UBE2W: variants seen among roughly 807,000 people sequenced by gnomAD.
UBE2W encodes ubiquitin-conjugating enzyme E2 W.
UBE2W carries 18 observed loss-of-function variants against 27.2 expected under a neutral mutation model. The ratio of observed to expected loss-of-function variants is 0.66; its 90% CI spans 0.46 to 0.98. The LOEUF (loss-of-function observed/expected upper bound fraction) is 0.98. Among genes scored for constraint, UBE2W ranks in the 50% least tolerant of loss-of-function variants. UBE2W has a pLI of 0.00. For synonymous variants in UBE2W, 53 were observed against 57.2 expected (o/e 0.93, Z 0.33); for missense variants, 90 against 180.2 (o/e 0.50, Z 2.87).
intron 1 of UBE2W, among the ~76,000 whole-genome samples, chr8:73,848,511 A>AAATT (rs1810913765): frequency 1.3e-5 from 2 of 152,078 alleles, no homozygotes; most frequent in South Asian, 4.1e-4. Context: ...CAGGGAGACC[A>AAATT]TGTTTCTACA....
chr8:73,839,106 C>T (rs1169425879), intron 1 of UBE2W, among the ~76,000 whole-genome samples: 3 of 152,094 alleles, frequency 2.0e-5, no homozygotes, highest in Non-Finnish European at 4.4e-5. Context: ...TTGTCCAATT[C>T]TTTCTTCAAA....
intron 3 of UBE2W, among the ~76,000 whole-genome samples, chr8:73,823,665 T>C (rs981931922): frequency 6.6e-6 from 1 of 152,232 alleles, no homozygotes; most frequent in African/African-American, 2.4e-5. Context: ...CAAATGCTTA[T>C]TGTAGACATC....
intron 1 of UBE2W, among the ~76,000 whole-genome samples, chr8:73,850,554 TAA>T (rs1811028295): frequency 1.3e-5 from 2 of 152,096 alleles, no homozygotes; most frequent in South Asian, 4.1e-4. Context: ...CTTGAAATGA[TAA>T]AAGTCAGAAA....
In UBE2W at chr8:73,792,097, A is replaced by G; in HGVS notation, c.*2005T>C. On this transcript the variant is annotated 3_prime_UTR_variant, in exon 6 of 6. Coordinates refer to ENST00000602593, the MANE Select transcript of UBE2W (RefSeq NM_018299.6). ...AAGATCAAGTCAAACAGTAGTGTAGAGCAGTTACGCAAAATATGAAAATAC... is the reference window on the plus strand; with the variant it reads ...AAGATCAAGTCAAACAGTAGTGTAGGGCAGTTACGCAAAATATGAAAATAC... 1 of 985,316 alleles carries G rather than the reference A, an allele frequency of 1.0e-6. No homozygotes were observed. The highest frequency in any genetic ancestry group is 1.2e-6 in the Non-Finnish European group (1 of 829,808). The allele number at this position is 985,316 out of a possible 1,614,324, so 61.0% of individuals were successfully genotyped here. A position where few individuals can be genotyped will look rare whatever the true frequency, so the allele number is the denominator to read the frequency against.
Position 73,790,661 on chromosome 8 carries a change from C to T in UBE2W, c.*3441G>A. 2.0e-6 allele frequency: 2 copies of T among 982,864 alleles called. No individual in the cohort carries two copies. Among genetic ancestry groups the T allele is most frequent in the Non-Finnish European group, 2.4e-6 (2 of 827,620 alleles). 60.9% of individuals were successfully genotyped at this position (982,864 alleles called of 1,614,324 possible). A position where few individuals can be genotyped will look rare whatever the true frequency, so the allele number is the denominator to read the frequency against. ...AAAAAATTTTTGTAACACACAGTAC[C>T]TCCTCTTCTCTTCTATTTTTAGGAA... On this transcript the variant is annotated 3_prime_UTR_variant, in exon 6 of 6. Coordinates refer to ENST00000602593, the MANE Select transcript of UBE2W (RefSeq NM_018299.6).
intron 1 of UBE2W, among the ~76,000 whole-genome samples, chr8:73,832,136 A>T (rs191074377): frequency 0.044 from 6,441 of 145,370 alleles, 465 homozygotes; most frequent in African/African-American, 0.16. Context: ...AAAATAAATA[A>T]ATATATATAT....
At position 73,786,475 on chromosome 8, in the gene UBE2W, A is replaced by G; in HGVS notation, c.*7627T>C. 2 of 985,318 alleles carry G rather than the reference A, an allele frequency of 2.0e-6. No individual in the cohort carries two copies. The highest frequency in any genetic ancestry group is 2.4e-6 in the Non-Finnish European group (2 of 829,818). 61.0% of individuals were successfully genotyped at this position (985,318 alleles called of 1,614,324 possible). Reference sequence around the variant, plus strand: ...TGTGTGCTACGTGCTGGGGACACAAACACAATTGCAACACTGTCCCTACTG... The same window carrying G: ...TGTGTGCTACGTGCTGGGGACACAAGCACAATTGCAACACTGTCCCTACTG... On this transcript the variant is annotated 3_prime_UTR_variant, in exon 6 of 6. Coordinates refer to ENST00000602593, the MANE Select transcript of UBE2W (RefSeq NM_018299.6).
intron 1 of UBE2W, among the ~76,000 whole-genome samples, chr8:73,875,699 T>C (rs929429818): frequency 3.3e-5 from 5 of 152,190 alleles, no homozygotes; most frequent in African/African-American, 9.7e-5. Context: ...CCCCAAATGA[T>C]CAATTTCCTA....
Position 73,790,459 on chromosome 8 carries a change from A to G in UBE2W, c.*3643T>C, listed in dbSNP as rs1210483484. 2.0e-6 allele frequency: 2 copies of G among 985,068 alleles called. No individual in the cohort carries two copies. Among genetic ancestry groups the G allele is most frequent in the East Asian group, 1.1e-4 (1 of 8,832 alleles). 61.0% of individuals were successfully genotyped at this position (985,068 alleles called of 1,614,324 possible). Reference sequence around the variant, plus strand: ...GATAATGAATCCTCAGAAAAGAAGAATATGGTTAAGCTTCAGTTCTTTTTG... The same window carrying G: ...GATAATGAATCCTCAGAAAAGAAGAGTATGGTTAAGCTTCAGTTCTTTTTG... On this transcript the variant is annotated 3_prime_UTR_variant, in exon 6 of 6. Coordinates refer to ENST00000602593, the MANE Select transcript of UBE2W (RefSeq NM_018299.6).
chr8:73,785,429 C>T (rs550027271), downstream of UBE2W, among the ~76,000 whole-genome samples: 141 of 152,292 alleles, frequency 9.3e-4, no homozygotes, highest in African/African-American at 3.2e-3. Context: ...AGGTATAAGC[C>T]ATCATGCCTA....
downstream of UBE2W, among the ~76,000 whole-genome samples, chr8:73,785,440 G>A (rs2130827332): frequency 6.6e-6 from 1 of 152,296 alleles, no homozygotes; most frequent in South Asian, 2.1e-4. Context: ...ATCATGCCTA[G>A]CCCATGACAG....
In UBE2W at chr8:73,791,352, T is replaced by G. The variant is rs1808185770; in HGVS notation, c.*2750A>C. 1 of 983,728 alleles carries G rather than the reference T, an allele frequency of 1.0e-6. No individual in the cohort carries two copies. The highest frequency in any genetic ancestry group is 1.2e-6 in the Non-Finnish European group (1 of 829,486). The allele number at this position is 983,728 out of a possible 1,614,324, so 60.9% of individuals were successfully genotyped here. On this transcript the variant is annotated 3_prime_UTR_variant, in exon 6 of 6. Coordinates refer to ENST00000602593, the MANE Select transcript of UBE2W (RefSeq NM_018299.6). The stretch of plus-strand genomic sequence containing the variant: ...AAATGTATCACTGTCTTAATAGAAT[T>G]TGGCAAACCAGAAGAATGGCCTAAA...
intron 1 of UBE2W, among the ~76,000 whole-genome samples, chr8:73,849,045 C>CAA (rs80229283): frequency 9.6e-4 from 146 of 152,158 alleles, no homozygotes; most frequent in Admixed American, 2.7e-3. Flanking sequence ...GTTTATTAAA[C>CAA]AAAAAAAGAA....
In UBE2W at chr8:73,801,379, G is replaced by A. The variant is rs891541879; in HGVS notation, c.442+4272C>T. ...CTCTAATAATGGCATGAGAAAGTAG[G>A]AGAGAGGGTTGTACTTTAAAAAATG... On this transcript the variant is annotated intron_variant, in intron 5 of 5. Transcript: ENST00000602593. 1.1e-4 allele frequency among the ~76,000 whole-genome samples: 16 copies of A among 152,276 alleles called. No individual in the cohort carries two copies. In the East Asian group the frequency reaches 3.1e-3, roughly 29 times the overall value.
At chr8:73,855,304 C>G (rs1811240550) in intron 1 of UBE2W, among the ~76,000 whole-genome samples, 1 of 151,782 alleles carries the variant, frequency 6.6e-6, no homozygotes. Flanking sequence ...TGGATATTCC[C>G]AACACTTGAG....
In UBE2W at chr8:73,837,083, G is replaced by A. The variant is rs76838842; in HGVS notation, c.16-6611C>T. Among the ~76,000 whole-genome samples, 81 of 152,222 alleles carry A rather than the reference G, an allele frequency of 5.3e-4. 1 individual carries two copies. The East Asian group carries it at 7.7e-3, about 14-fold the overall frequency. Reference sequence around the variant, plus strand: ...CTACTCTCCTCTGAATCTAAGACACGCCATCAATTGTAAGATGCATCATCA... The same window carrying A: ...CTACTCTCCTCTGAATCTAAGACACACCATCAATTGTAAGATGCATCATCA... On this transcript the variant is annotated intron_variant, in intron 1 of 5. Coordinates refer to ENST00000602593, the MANE Select transcript of UBE2W (RefSeq NM_018299.6).
intron 1 of UBE2W, among the ~76,000 whole-genome samples, chr8:73,849,437 C>T (rs952547345): frequency 3.1e-5 from 4 of 127,170 alleles, no homozygotes; most frequent in Non-Finnish European, 6.3e-5. Context: ...GCTTGAACAG[C>T]GGAGGTGGAG....
At chr8:73,832,127 A>G (rs979418239) in intron 1 of UBE2W, among the ~76,000 whole-genome samples, 1 of 142,820 alleles carries the variant, frequency 7.0e-6, no homozygotes, top group African/African-American at 2.8e-5. Flanking sequence ...CAAACAAAAA[A>G]AATAAATAAA....
intron 1 of UBE2W, among the ~76,000 whole-genome samples, chr8:73,846,306 G>A (rs576767809): frequency 6.6e-6 from 1 of 152,270 alleles, no homozygotes; most frequent in Non-Finnish European, 1.5e-5. Context: ...TGAGGCAGGA[G>A]AATTGCTTGA....
Sources: allele counts gnomAD v4.1 joint callset (sites outside exome capture counted in the v4.1 genomes callset), GRCh38; gene constraint gnomAD v4.1.1; transcripts MANE v1.5; gene names NCBI Gene and HGNC (gene_info 2026-07-23, HGNC 2026-07-21).